The following SIRPB2 variants were observed in gnomAD, a reference collection of about 807,000 sequenced individuals.
The protein encoded by SIRPB2 is signal-regulatory protein beta-2.
Under a neutral mutation model 27.1 loss-of-function variants are expected in SIRPB2, and 18 were observed. That is an observed-to-expected ratio of 0.66 (90% CI 0.46 to 0.98). SIRPB2 has a LOEUF of 0.98. Among genes scored for constraint, SIRPB2 ranks in the 50% least tolerant of loss-of-function variants. The pLI is 0.00. For synonymous variants in SIRPB2, 150 were observed against 164.6 expected (o/e 0.91, Z 0.68); for missense variants, 420 against 417.4 (o/e 1.01, Z -0.06).
chr20:1,477,040 G>A, intron 4 of SIRPB2: 1 of 1,352,534 alleles, frequency 7.4e-7, no homozygotes, highest in South Asian at 1.4e-5. Context: ...CAGTGTCGCT[G>A]TGCATAGCCT....
rs910101407 is a variant in SIRPB2 at position 1,475,836 on chromosome 20, T to C, written c.*331A>G. The C allele has an allele frequency of 8.5e-6, 2 of 234,834 alleles. No individual in the cohort carries two copies. Among genetic ancestry groups the C allele is most frequent in the Non-Finnish European group, 1.7e-5 (2 of 120,364 alleles). 14.5% of individuals were successfully genotyped at this position (234,834 alleles called of 1,614,324 possible). ...GGGAAGAAGACTCTGAGTTGGATGTTGGAGGCCAAGAAGGATGTAGCGAGG... is the reference window on the plus strand; with the variant it reads ...GGGAAGAAGACTCTGAGTTGGATGTCGGAGGCCAAGAAGGATGTAGCGAGG... On this transcript the variant is annotated 3_prime_UTR_variant, in exon 5 of 5. Coordinates refer to ENST00000359801, the MANE Select transcript of SIRPB2 (RefSeq NM_001122962.2).
At chr20:1,480,973 G>A (rs542944694) in intron 1 of SIRPB2, among the ~76,000 whole-genome samples, 8 of 152,282 alleles carry the variant, frequency 5.3e-5, no homozygotes, top group Admixed American at 1.3e-4. Context: ...ACTGCAGTTC[G>A]TGTTAATGTG....
Position 1,491,389 on chromosome 20 carries a change from G to A in SIRPB2, c.-30C>T, listed in dbSNP as rs751345496. ...TCTTCTGTGGTCCCCAAGACTTGGG[G>A]CTCCTCTGCTCTCTTGTGAGTGTTG... On this transcript the variant is annotated 5_prime_UTR_variant, in exon 1 of 5. Coordinates refer to ENST00000359801, the MANE Select transcript of SIRPB2 (RefSeq NM_001122962.2). 6.3e-7 allele frequency: 1 copy of A among 1,587,170 alleles called. No homozygotes were observed. Among genetic ancestry groups the A allele is most frequent in the Middle Eastern group, 1.7e-4 (1 of 5,954 alleles).
chr20:1,484,257 AG>A (rs1446542479), intron 1 of SIRPB2, among the ~76,000 whole-genome samples: 1 of 151,998 alleles, frequency 6.6e-6, no homozygotes, highest in African/African-American at 2.4e-5. Flanking sequence ...AGGAGAAAAC[AG>A]GGAAGGGACT....
At chr20:1,490,375 T>C (rs753301745) in intron 1 of SIRPB2, among the ~76,000 whole-genome samples, 4 of 152,110 alleles carry the variant, frequency 2.6e-5, no homozygotes, top group Non-Finnish European at 5.9e-5. Context: ...CAGTAGAGCC[T>C]GGAGCAGAGG....
In SIRPB2 at chr20:1,476,351, A is replaced by G. The variant is rs200234437; in HGVS notation, c.860-15T>C. 457 of 1,607,752 alleles carry G rather than the reference A, an allele frequency of 2.8e-4. No homozygotes were observed. The highest frequency in any genetic ancestry group is 3.8e-4 in the Non-Finnish European group (448 of 1,177,510). On this transcript the variant is annotated splice_polypyrimidine_tract_variant and intron_variant, in intron 4 of 4. Transcript: ENST00000359801. ...AACCAGGAGGCCTGGGAGGCACAGG[A>G]GAGAGCTCAGGCGGGACCCGTGGTG...
downstream of SIRPB2, among the ~76,000 whole-genome samples, chr20:1,471,849 G>A (rs1051241404): frequency 7.9e-5 from 12 of 152,168 alleles, no homozygotes; most frequent in Admixed American, 3.9e-4. Flanking sequence ...CCTCGAGCCC[G>A]AGGAGAGTGG....
At position 1,477,739 on chromosome 20, in the gene SIRPB2, G is replaced by A. The variant is rs143698229; in HGVS notation, c.794-336C>T. ...TGCCCAGGCTGGAGTACAAGGGTGC[G>A]ATCTTGGCTCACTGCAACCTCCGCC... On this transcript the variant is annotated intron_variant, in intron 3 of 4. Transcript: ENST00000359801. Among the ~76,000 whole-genome samples, 23 of 152,276 alleles carry A rather than the reference G, an allele frequency of 1.5e-4. No individual in the cohort carries two copies. In the East Asian group the frequency reaches 1.7e-3, roughly 11 times the overall value.
chr20:1,477,299 T>C (rs369974839), intron 4 of SIRPB2, 39 bp downstream of exon 4: 467 of 1,614,090 alleles, frequency 2.9e-4, no homozygotes, highest in Non-Finnish European at 3.6e-4. Context: ...CCCTTGCCTG[T>C]GGGGGACTCA....
rs1455269240 is a variant in SIRPB2 at position 1,474,607 on chromosome 20, CTT to C, written c.*1558_*1559del. 3.3e-5 allele frequency: 5 copies of C among 151,726 alleles called. No homozygotes were observed. Among genetic ancestry groups the C allele is most frequent in the Non-Finnish European group, 7.3e-5 (5 of 68,480 alleles). The allele number at this position is 151,726 out of a possible 1,614,324, so 9.4% of individuals were successfully genotyped here. ...TTTTTTTTTGAGACGGAGTTTTGCT[CTT>C]GTTGCCCAGGCTGGAGTGCAATGGC... On this transcript the variant is annotated 3_prime_UTR_variant, in exon 5 of 5. Coordinates refer to ENST00000359801, the MANE Select transcript of SIRPB2 (RefSeq NM_001122962.2).
At chr20:1,473,462 GCA>G (rs1325848372), downstream of SIRPB2, among the ~76,000 whole-genome samples, 3 of 151,982 alleles carry the variant, frequency 2.0e-5, no homozygotes, top group Non-Finnish European at 4.4e-5. Flanking sequence ...CCACATAGGT[GCA>G]CACACACATG....
In SIRPB2 at chr20:1,476,049, T is replaced by C; in HGVS notation, c.*118A>G. On this transcript the variant is annotated 3_prime_UTR_variant, in exon 5 of 5. Coordinates refer to ENST00000359801, the MANE Select transcript of SIRPB2 (RefSeq NM_001122962.2). ...GGTGGACCAAAACCAGATGTAGGGA[T>C]CTAGGAGTTTGTCATGAGGCCTGGG... The C allele has an allele frequency of 1.2e-5, 14 of 1,142,386 alleles. No individual in the cohort carries two copies. The highest frequency in any genetic ancestry group is 1.8e-5 in the Non-Finnish European group (14 of 789,824). The allele number at this position is 1,142,386 out of a possible 1,614,324, so 70.8% of individuals were successfully genotyped here.
chr20:1,484,268 T>C (rs2090703341), intron 1 of SIRPB2, among the ~76,000 whole-genome samples: 1 of 152,164 alleles, frequency 6.6e-6, no homozygotes, highest in African/African-American at 2.4e-5. Flanking sequence ...GGGAAGGGAC[T>C]CCAGGACACT....
downstream of SIRPB2, among the ~76,000 whole-genome samples, chr20:1,471,714 C>G (rs1211093495): frequency 1.3e-5 from 2 of 152,196 alleles, no homozygotes; most frequent in East Asian, 3.9e-4. Flanking sequence ...TACCGCCACC[C>G]CAATACTGCA....
downstream of SIRPB2, among the ~76,000 whole-genome samples, chr20:1,471,843 G>A (rs891768905): frequency 1.3e-5 from 2 of 152,128 alleles, no homozygotes; most frequent in African/African-American, 4.8e-5. Context: ...GAGGGTCCTC[G>A]AGCCCGAGGA....
Sources: allele counts gnomAD v4.1 joint callset (sites outside exome capture counted in the v4.1 genomes callset), GRCh38; gene constraint gnomAD v4.1.1; transcripts MANE v1.5; gene names NCBI Gene and HGNC (gene_info 2026-07-23, HGNC 2026-07-21).